The following STK32B variants were observed in gnomAD, a reference collection of about 807,000 sequenced individuals.
The protein encoded by STK32B is serine/threonine-protein kinase 32B.
A neutral mutation model predicts 52.6 loss-of-function variants in STK32B; 43 were observed. The ratio of observed to expected loss-of-function variants is 0.82; its 90% CI spans 0.64 to 1.05. The LOEUF (loss-of-function observed/expected upper bound fraction) is 1.05, where lower values mean the gene tolerates loss of function less well. STK32B is among the 50% of genes least tolerant of loss of function. STK32B has a pLI of 0.00. For missense variants in STK32B, 621 were observed against 534.6 expected (o/e 1.16, Z -1.59); for synonymous variants, 238 against 204.3 (o/e 1.17, Z -1.41).
intron 3 of STK32B, among the ~76,000 whole-genome samples, chr4:5,274,664 C>G (rs1387319149): frequency 6.6e-6 from 1 of 152,206 alleles, no homozygotes; most frequent in African/African-American, 2.4e-5. Flanking sequence ...GGCATTGGAG[C>G]TGGCAGCAGC....
intron 2 of STK32B, among the ~76,000 whole-genome samples, chr4:5,154,937 G>A (rs1002185935): frequency 6.6e-6 from 1 of 152,178 alleles, no homozygotes; most frequent in Non-Finnish European, 1.5e-5. Flanking sequence ...CCTCCCACTC[G>A]GGATATGTGC....
chr4:5,019,968 G>A, the STK32B span, among the ~76,000 whole-genome samples: 1 of 152,172 alleles, frequency 6.6e-6, no homozygotes, highest in Non-Finnish European at 1.5e-5. Flanking sequence ...TCAGGCCACC[G>A]GTGTCCTCGT....
chr4:5,052,593 C>G (rs538342262), intron 1 of STK32B, among the ~76,000 whole-genome samples: 1 of 152,130 alleles, frequency 6.6e-6, no homozygotes, highest in Admixed American at 6.5e-5. Flanking sequence ...TCCAGTGCAG[C>G]GTGTCCCTGG....
At chr4:5,231,750 G>T (rs1185600073) in intron 3 of STK32B, among the ~76,000 whole-genome samples, 1 of 152,182 alleles carries the variant, frequency 6.6e-6, no homozygotes, top group Non-Finnish European at 1.5e-5. Flanking sequence ...GATGGTCAGG[G>T]AGGAAGCAGA....
intron 4 of STK32B, among the ~76,000 whole-genome samples, chr4:5,332,955 TAA>T (rs1318925638): frequency 2.6e-5 from 4 of 152,160 alleles, no homozygotes; most frequent in African/African-American, 9.7e-5. Flanking sequence ...GCAATAAACA[TAA>T]GTGTGCATGT....
intron 4 of STK32B, among the ~76,000 whole-genome samples, chr4:5,350,751 C>T (rs555777983): frequency 8.5e-5 from 13 of 152,048 alleles, no homozygotes; most frequent in African/African-American, 3.1e-4. Flanking sequence ...AAATGTATCT[C>T]ATCTGTAAAG....
chr4:5,189,027 G>A (rs1378337654), intron 3 of STK32B, among the ~76,000 whole-genome samples: 25 of 144,976 alleles, frequency 1.7e-4, no homozygotes, highest in Non-Finnish European at 3.3e-4. Flanking sequence ...AAAAAAAAAA[G>A]AAAAACAGAT....
At chr4:5,424,576 G>A (rs1712925706) in intron 6 of STK32B, among the ~76,000 whole-genome samples, 1 of 152,194 alleles carries the variant, frequency 6.6e-6, no homozygotes, top group African/African-American at 2.4e-5. Context: ...CCACCCAGCT[G>A]AGAGCTGAAC....
chr4:5,315,642 GGAGT>G (rs1345034105), intron 3 of STK32B, among the ~76,000 whole-genome samples: 2 of 151,444 alleles, frequency 1.3e-5, no homozygotes, highest in Non-Finnish European at 2.9e-5. Flanking sequence ...AGGAATAGAT[GGAGT>G]AAGGCAATTC....
intron 3 of STK32B, among the ~76,000 whole-genome samples, chr4:5,175,028 C>T (rs890486682): frequency 1.3e-5 from 2 of 152,082 alleles, no homozygotes; most frequent in African/African-American, 4.8e-5. Context: ...CTAAAGTTCC[C>T]TTCTCGCTTC....
At chr4:5,484,069 T>C (rs1209125409) in intron 11 of STK32B, among the ~76,000 whole-genome samples, 1 of 152,190 alleles carries the variant, frequency 6.6e-6, no homozygotes, top group Non-Finnish European at 1.5e-5. Flanking sequence ...ATTCTGTTGA[T>C]TTGGGGTGGA....
In STK32B at chr4:5,255,908, G is replaced by A. The variant is rs186127556; in HGVS notation, c.261-75312G>A. Among the ~76,000 whole-genome samples, 112 of 152,218 alleles carry A rather than the reference G, an allele frequency of 7.4e-4. 1 individual carries two copies. The highest frequency in any genetic ancestry group is 1.7e-3 in the African/African-American group (71 of 41,534). ...ACATTCTTATCCATGGTGAACATAC[G>A]CATGCATGTCCCTTGAGTATTTTAT... On this transcript the variant is annotated intron_variant, in intron 3 of 11. Coordinates refer to ENST00000282908, the MANE Select transcript of STK32B (RefSeq NM_018401.3).
At chr4:5,327,547 A>G (rs893608091) in intron 3 of STK32B, among the ~76,000 whole-genome samples, 4 of 152,006 alleles carry the variant, frequency 2.6e-5, no homozygotes, top group Non-Finnish European at 5.9e-5. Context: ...AAGAGTGGTA[A>G]TATTTTGAAA....
intron 4 of STK32B, among the ~76,000 whole-genome samples, chr4:5,363,813 G>A (rs1734697223): frequency 6.6e-6 from 1 of 151,952 alleles, no homozygotes; most frequent in African/African-American, 2.4e-5. Flanking sequence ...CCTTTGAAGT[G>A]TTTACCCATT....
intron 4 of STK32B, among the ~76,000 whole-genome samples, chr4:5,348,555 T>A (rs138742345): frequency 9.9e-4 from 151 of 152,218 alleles, no homozygotes; most frequent in African/African-American, 3.5e-3. Context: ...GAGGACAAAT[T>A]CCCACCCACT....
intron 2 of STK32B, among the ~76,000 whole-genome samples, chr4:5,160,257 T>C (rs926907386): frequency 1.3e-5 from 2 of 152,162 alleles, no homozygotes; most frequent in Non-Finnish European, 2.9e-5. Flanking sequence ...GAGAGATGGA[T>C]GCTGATCACA....
chr4:5,107,539 A>G (rs941961057), intron 1 of STK32B, among the ~76,000 whole-genome samples: 6 of 152,156 alleles, frequency 3.9e-5, no homozygotes, highest in African/African-American at 1.2e-4. Context: ...TCCCTCATCA[A>G]CTTTCCACCT....
chr4:5,159,706 AATATATATATGAATGTATATGAAT>A (rs1560186412), intron 2 of STK32B, among the ~76,000 whole-genome samples: 1,054 of 96,236 alleles, frequency 0.011, 188 homozygotes, highest in Admixed American at 0.042. Context: ...AATATATATG[AATATATATATGAATGTATATGAAT>A]ATATATATGA....
Position 5,331,334 on chromosome 4 carries a change from C to T in STK32B, c.375C>T (p.Leu125=), listed in dbSNP as rs577899816. The T allele has an allele frequency of 1.2e-6, 2 of 1,613,932 alleles. No individual in the cohort carries two copies. Among genetic ancestry groups the T allele is most frequent in the African/African-American group, 1.3e-5 (1 of 75,028 alleles). The change falls in exon 4 of 12, where the codon CTC becomes CTT. Residue 125 remains leucine, a synonymous_variant. Coordinates refer to ENST00000282908, the MANE Select transcript of STK32B (RefSeq NM_018401.3). ...ATTTCACAGAGGGGACTGTGAAACT[C>T]TACATCTGTGAGCTGGCACTGGCCC... ...NVHFTEGTVK[L]YICELALALE... is the part of the protein sequence containing the mutation.
Sources: gnomAD v4.1 joint callset for allele counts (sites outside exome capture counted in the v4.1 genomes callset) on GRCh38, gnomAD v4.1.1 for gene constraint, MANE v1.5 for transcripts, NCBI Gene and HGNC (gene_info 2026-07-23, HGNC 2026-07-21) for gene names.